Variants in MON2 observed in about 807,000 individuals in gnomAD.
The protein encoded by MON2 is MON2 regulator of endosome-to-Golgi trafficking, also known as protein MON2 homolog.
Under a neutral mutation model 208.6 loss-of-function variants are expected in MON2, and 84 were observed. The ratio of observed to expected loss-of-function variants is 0.40; its 90% CI spans 0.34 to 0.48. MON2 has a LOEUF of 0.48. MON2 is among the 20% of genes least tolerant of loss of function. MON2 has a pLI of 0.59. For missense variants in MON2, 1,611 were observed against 2,015.4 expected, an observed-to-expected ratio of 0.80 and a Z score of 3.84; for synonymous variants, 660 against 694.0, an observed-to-expected ratio of 0.95 and a Z score of 0.77.
intron 5 of MON2, among the ~76,000 whole-genome samples, 157 bp downstream of exon 5, chr12:62,499,205 C>T (rs865833109): frequency 3.3e-5 from 5 of 152,222 alleles, no homozygotes; most frequent in Middle Eastern, 6.8e-3. Flanking sequence ...GGAATAGGCT[C>T]CTTGTTTTCC....
At position 62,537,231 on chromosome 12, in the gene MON2, C is replaced by G. The variant is rs2073020260; in HGVS notation, c.1981C>G (p.Pro661Ala). 6.2e-7 allele frequency: 1 copy of G among 1,612,364 alleles called. No homozygotes were observed. The highest frequency in any genetic ancestry group is 8.5e-7 in the Non-Finnish European group (1 of 1,178,760). Residue 661 changes from proline to alanine, a missense_variant, in exon 15 of 35, where the codon CCT becomes GCT. Transcript: ENST00000393630. ...SHQQVVAVGQ[P>A]LAVQPQGTVM... ...CCAACAAGTTGTGGCAGTGGGTCAA[C>G]CTTTAGCAGTCCAGCCTCAAGGGAC...
rs766843044 is a variant in MON2 at position 62,544,983 on chromosome 12, A to G, written c.2552A>G (p.His851Arg). Residue 851 changes from histidine to arginine, a missense_variant, in exon 21 of 35, where the codon CAT becomes CGT. By Grantham distance (29) the His-to-Arg change is conservative. Coordinates refer to ENST00000393630, the MANE Select transcript of MON2 (RefSeq NM_015026.3). ...SLIKAGLTFNHDPPLSQNQRL... is the reference protein window; with the variant it reads ...SLIKAGLTFNRDPPLSQNQRL... ...ATTAAAGCAGGATTAACATTTAACC[A>G]TGATCCTCCACTCTCACAAAACCAG... 6 of 1,597,812 alleles carry G rather than the reference A, an allele frequency of 3.8e-6. No homozygotes were observed. The highest frequency in any genetic ancestry group is 3.4e-5 in the South Asian group (3 of 87,650).
At position 62,560,887 on chromosome 12, in the gene MON2, G is replaced by C; in HGVS notation, c.3806G>C (p.Ser1269Thr). Residue 1269 changes from serine to threonine, a missense_variant, in exon 26 of 35, where the codon AGC (serine) becomes ACC (threonine). Ser to Thr is a moderately conservative substitution (Grantham distance 58). Transcript: ENST00000393630. ...TTTGATAAACTAACTTTTATTCCTA[G>C]CCAGCCTTTTCTTACAGCTTTAATT... ...ITFDKLTFIP[S>T]QPFLTALIQI... is the part of the protein sequence containing the mutation. 4.3e-6 allele frequency: 7 copies of C among 1,614,002 alleles called. No homozygotes were observed. Among genetic ancestry groups the C allele is most frequent in the Non-Finnish European group, 5.9e-6 (7 of 1,179,960 alleles).
chr12:62,565,506 A>C (rs929492447), intron 27 of MON2, 126 bp downstream of exon 27: 13 of 832,410 alleles, frequency 1.6e-5, no homozygotes, highest in Admixed American at 3.0e-5. Flanking sequence ...ATATTTATAC[A>C]TGTCTGTTAG....
At chr12:62,540,983 A>C (rs1421287754) in intron 19 of MON2, among the ~76,000 whole-genome samples, 2 of 152,178 alleles carry the variant, frequency 1.3e-5, no homozygotes, top group African/African-American at 4.8e-5. Context: ...GGGATTAAAG[A>C]TGTATATATC....
At chr12:62,544,684 G>A in intron 20 of MON2, 1 of 1,216,620 alleles carries the variant, frequency 8.2e-7, no homozygotes. Flanking sequence ...TTACTGTTAT[G>A]AAATCCTTTC....
At position 62,566,349 on chromosome 12, in the gene MON2, C is replaced by G. The variant is rs1458733354; in HGVS notation, c.4222C>G (p.Pro1408Ala). 1 of 1,612,998 alleles carries G rather than the reference C, an allele frequency of 6.2e-7. No individual in the cohort carries two copies. ...PAEWVALNYV[P>A]FAERSLEVVV... is the part of the protein sequence containing the mutation. The stretch of plus-strand genomic sequence containing the variant: ...GGAATGGGTAGCCTTGAATTATGTG[C>G]CGTTTGCTGAAAGGTCTTTAGAAGT... The change falls in exon 29 of 35, where the codon CCG becomes GCG. Residue 1408 changes from proline (P) to alanine (A), a missense_variant. Coordinates refer to ENST00000393630, the MANE Select transcript of MON2 (RefSeq NM_015026.3).
At chr12:62,573,664 GT>G (rs900031733) in intron 30 of MON2, among the ~76,000 whole-genome samples, 88 of 149,826 alleles carry the variant, frequency 5.9e-4, no homozygotes, top group African/African-American at 1.8e-3. Context: ...AAATTTGGAG[GT>G]TTTTTTTTGC....
In MON2 at chr12:62,580,416, T is replaced by A. The variant is rs777109463; in HGVS notation, c.4695T>A (p.Phe1565Leu). 1 of 1,591,982 alleles carries A rather than the reference T, an allele frequency of 6.3e-7. No homozygotes were observed. The highest frequency in any genetic ancestry group is 1.1e-5 in the South Asian group (1 of 88,464). The change falls in exon 32 of 35, where the codon TTT becomes TTA. Residue 1565 changes from phenylalanine (F) to leucine (L), a missense_variant. By Grantham distance (22) the Phe-to-Leu change is conservative (BLOSUM62 0). Coordinates refer to ENST00000393630, the MANE Select transcript of MON2 (RefSeq NM_015026.3). The part of the protein sequence containing the change: ...KGSIHSQSSS[F>L]TEAEIDIRLR... ...CAATACATTCTCAGTCATCTTCATT[T>A]ACAGGTATGTTAATTTTTTTAAGTA... is the stretch of plus-strand genomic sequence containing the variant.
rs369985379 is a variant in MON2 at position 62,487,160 on chromosome 12, C to A, written c.175+2927C>A. Among the ~76,000 whole-genome samples the A allele has an allele frequency of 2.6e-5, 4 of 151,978 alleles. No individual in the cohort carries two copies. The East Asian group carries it at 7.7e-4, about 29-fold the overall frequency. On this transcript the variant is annotated intron_variant, in intron 2 of 34. Transcript: ENST00000393630. The stretch of plus-strand genomic sequence containing the variant: ...GATTCAGATGTACAGATCATTATTT[C>A]AAAATTTCCATTTTCTTTAAAAATA...
chr12:62,556,305 G>T, intron 25 of MON2, 113 bp downstream of exon 25: 1 of 1,021,586 alleles, frequency 9.8e-7, no homozygotes, highest in African/African-American at 1.6e-5. Flanking sequence ...TGTGGTGTGT[G>T]TGTAAGCATC....
chr12:62,511,563 A>G (rs535793689), intron 8 of MON2, among the ~76,000 whole-genome samples: 2 of 152,136 alleles, frequency 1.3e-5, no homozygotes, highest in South Asian at 4.2e-4. Flanking sequence ...ATTCACATGC[A>G]AAAGAATGAG....
intron 2 of MON2, among the ~76,000 whole-genome samples, chr12:62,486,166 A>G (rs1223323977): frequency 6.6e-6 from 1 of 152,104 alleles, no homozygotes; most frequent in African/African-American, 2.4e-5. Flanking sequence ...TACTGTTGCT[A>G]ATATCATTGT....
intron 8 of MON2, among the ~76,000 whole-genome samples, chr12:62,510,021 C>T (rs2071314206): frequency 6.6e-6 from 1 of 151,786 alleles, no homozygotes. Flanking sequence ...TCATAAAAGA[C>T]TACTAGGAAG....
intron 1 of MON2, among the ~76,000 whole-genome samples, chr12:62,472,869 C>T (rs2068865790): frequency 1.3e-5 from 2 of 152,168 alleles, no homozygotes; most frequent in Admixed American, 1.3e-4. Flanking sequence ...ATAATATATT[C>T]ATGCTTTATA....
intron 2 of MON2, among the ~76,000 whole-genome samples, chr12:62,492,550 T>A (rs925889514): frequency 1.3e-5 from 2 of 149,206 alleles, no homozygotes; most frequent in Non-Finnish European, 3.0e-5. Context: ...TTTTTGTATT[T>A]TTAGTAGAGA....
chr12:62,499,191 C>A, intron 5 of MON2, 143 bp downstream of exon 5: 1 of 796,624 alleles, frequency 1.3e-6, no homozygotes, highest in Non-Finnish European at 1.9e-6. Flanking sequence ...ATTTGATCCC[C>A]TGAGGAATAG....
At chr12:62,581,638 C>T (rs1200610151) in intron 32 of MON2, among the ~76,000 whole-genome samples, 1 of 152,084 alleles carries the variant, frequency 6.6e-6, no homozygotes, top group African/African-American at 2.4e-5. Flanking sequence ...GAGTTCAAGA[C>T]CAGCCTGGCC....
At chr12:62,576,155 A>C (rs1443575067) in intron 30 of MON2, among the ~76,000 whole-genome samples, 1 of 152,188 alleles carries the variant, frequency 6.6e-6, no homozygotes, top group Non-Finnish European at 1.5e-5. Context: ...TGAAGTGCTA[A>C]TGCATGCTCA....
Sources: allele counts gnomAD v4.1 joint callset (sites outside exome capture counted in the v4.1 genomes callset), GRCh38; gene constraint gnomAD v4.1.1; transcripts MANE v1.5; gene names NCBI Gene and HGNC (gene_info 2026-07-23, HGNC 2026-07-21).